The following FERMT2 variants were observed in gnomAD, a reference collection of about 807,000 sequenced individuals.
FERMT2 encodes the protein fermitin family homolog 2.
In FERMT2, 15 loss-of-function variants were observed where a neutral mutation model predicts 82.7. The ratio of observed to expected loss-of-function variants is 0.18; its 90% CI spans 0.12 to 0.28. The LOEUF (loss-of-function observed/expected upper bound fraction) is 0.28, where lower values mean the gene tolerates loss of function less well. Among genes scored for constraint, FERMT2 ranks in the 10% least tolerant of loss-of-function variants. The pLI is 1.00. For missense variants in FERMT2, 645 were observed against 809.4 expected (o/e 0.80, Z 2.46); for synonymous variants, 274 against 271.5 (o/e 1.01, Z -0.09).
chr14:52,858,667 T>G, intron 14 of FERMT2, 117 bp from the exon 15 acceptor site: 1 of 886,154 alleles, frequency 1.1e-6, no homozygotes, highest in Non-Finnish European at 1.7e-6. Context: ...GATCCTCAAA[T>G]GATCAGTCTG....
intron 3 of FERMT2, among the ~76,000 whole-genome samples, chr14:52,918,468 C>G (rs1888754470): frequency 6.6e-6 from 1 of 152,048 alleles, no homozygotes; most frequent in Non-Finnish European, 1.5e-5. Flanking sequence ...AACTGCAGTA[C>G]TTTATTTGGA....
At chr14:52,860,174 G>GAAATTAAAAGCTTA (rs1351797004) in intron 13 of FERMT2, 167 bp downstream of exon 13, 4 of 571,168 alleles carry the variant, frequency 7.0e-6, no homozygotes, top group Middle Eastern at 4.7e-4. Context: ...TTTTAATGTA[G>GAAATTAAAAGCTTA]AAATTAAAAG....
At chr14:52,875,977 T>C (rs1228297992) in intron 7 of FERMT2, among the ~76,000 whole-genome samples, 1 of 152,168 alleles carries the variant, frequency 6.6e-6, no homozygotes, top group Non-Finnish European at 1.5e-5. Flanking sequence ...TGACTACTCA[T>C]ATGTAGACAG....
chr14:52,914,690 C>G (rs1566747593), intron 3 of FERMT2, among the ~76,000 whole-genome samples: 1 of 152,160 alleles, frequency 6.6e-6, no homozygotes, highest in African/African-American at 2.4e-5. Context: ...GAGGCCGAGG[C>G]AGGCGGATCC....
intron 4 of FERMT2, among the ~76,000 whole-genome samples, chr14:52,892,293 C>T (rs1886985742): frequency 6.6e-6 from 1 of 150,760 alleles, no homozygotes; most frequent in Admixed American, 6.6e-5. Context: ...AGGTGCCTGT[C>T]ACCACGCCCA....
intron 7 of FERMT2, among the ~76,000 whole-genome samples, chr14:52,877,573 G>GTTTT (rs1594940282): frequency 8.3e-5 from 1 of 12,088 alleles, no homozygotes; most frequent in African/African-American, 3.8e-4. Context: ...AGCTGTTCTT[G>GTTTT]CTTTTTTTTT....
intron 2 of FERMT2, among the ~76,000 whole-genome samples, chr14:52,945,706 T>C (rs547169962): frequency 2.5e-4 from 38 of 152,308 alleles, no homozygotes; most frequent in African/African-American, 8.9e-4. Flanking sequence ...TAGAGGAAAC[T>C]TAGAGATCAC....
At chr14:52,862,052 C>T (rs1220252582) in intron 12 of FERMT2, 9 of 152,078 alleles carry the variant, frequency 5.9e-5, no homozygotes, top group Admixed American at 1.3e-4. Context: ...ACATCATGGT[C>T]GCTATTCTCT....
chr14:52,885,049 A>T (rs555520712), intron 4 of FERMT2, among the ~76,000 whole-genome samples: 16 of 152,040 alleles, frequency 1.1e-4, no homozygotes, highest in African/African-American at 3.4e-4. Context: ...GCGGTGGCTC[A>T]TGCCTGTAAT....
In FERMT2 at chr14:52,860,359, A is replaced by G; in HGVS notation, c.1709T>C (p.Ile570Thr). The G allele has an allele frequency of 6.2e-7, 1 of 1,614,048 alleles. No individual in the cohort carries two copies. Among genetic ancestry groups the G allele is most frequent in the Non-Finnish European group, 8.5e-7 (1 of 1,179,958 alleles). Residue 570 changes from isoleucine to threonine, a missense_variant, in exon 13 of 15, where the codon ATC (isoleucine) becomes ACC (threonine). Physicochemically the swap from Ile to Thr is moderately conservative, Grantham distance 89. Transcript: ENST00000341590. ...QAWQSLPEFG[I>T]THFIARFQGG... ...CACTGACCTTGCAATGAAGTGAGTG[A>G]TGCCAAATTCAGGTAGTGACTGCCA...
Position 52,858,348 on chromosome 14 carries a change from C to T in FERMT2, c.*29G>A, listed in dbSNP as rs773089300. The T allele has an allele frequency of 3.9e-5, 62 of 1,575,238 alleles. No homozygotes were observed. The South Asian group carries it at 5.1e-4, about 13-fold the overall frequency. The stretch of plus-strand genomic sequence containing the variant: ...TTTTAAAGTTAAATATTGTTATGGC[C>T]GTGGAGTTTCATTAAACAGTATTCC... On this transcript the variant is annotated 3_prime_UTR_variant, in exon 15 of 15. Coordinates refer to ENST00000341590, the MANE Select transcript of FERMT2 (RefSeq NM_006832.3).
At chr14:52,946,683 TTC>T (rs1233104166) in intron 2 of FERMT2, among the ~76,000 whole-genome samples, 1 of 151,826 alleles carries the variant, frequency 6.6e-6, no homozygotes, top group Non-Finnish European at 1.5e-5. Context: ...ATTTTCACAA[TTC>T]TTTTTTTTTT....
chr14:52,947,416 T>C (rs188326535), intron 2 of FERMT2, among the ~76,000 whole-genome samples: 87 of 152,174 alleles, frequency 5.7e-4, no homozygotes, highest in Middle Eastern at 3.4e-3. Context: ...GAGGCGGAGC[T>C]TGCAGTGAGC....
chr14:52,950,601 C>G (rs575342627), intron 1 of FERMT2, 24 bp from the exon 2 acceptor site: 1 of 1,609,080 alleles, frequency 6.2e-7, no homozygotes, highest in South Asian at 1.1e-5. Flanking sequence ...GGAAATGGCT[C>G]TCGTAAGCGT....
chr14:52,933,574 G>T (rs543592248), intron 2 of FERMT2, among the ~76,000 whole-genome samples: 6 of 151,788 alleles, frequency 4.0e-5, no homozygotes, highest in African/African-American at 1.2e-4. Context: ...GCCGGGCATG[G>T]TGGCACATGC....
At chr14:52,896,306 G>A (rs766443843) in intron 3 of FERMT2, among the ~76,000 whole-genome samples, 1 of 152,204 alleles carries the variant, frequency 6.6e-6, no homozygotes, top group African/African-American at 2.4e-5. Context: ...TTGTAAAGCT[G>A]TAGATTGCTA....
chr14:52,901,145 G>C (rs1887611530), intron 3 of FERMT2, among the ~76,000 whole-genome samples: 1 of 147,940 alleles, frequency 6.8e-6, no homozygotes, highest in Non-Finnish European at 1.5e-5. Flanking sequence ...GCTGGGCGTT[G>C]TGGCGGGCGC....
intron 10 of FERMT2, among the ~76,000 whole-genome samples, chr14:52,865,530 C>T (rs1235069558): frequency 6.6e-6 from 1 of 152,062 alleles, no homozygotes; most frequent in Non-Finnish European, 1.5e-5. Context: ...TTCTGTAAGT[C>T]GACATTTCCT....
At chr14:52,881,845 A>G in intron 4 of FERMT2, 1 of 1,240,682 alleles carries the variant, frequency 8.1e-7, no homozygotes, top group Middle Eastern at 2.2e-4. Context: ...GAAAGGAAAG[A>G]AAGGAATTCA....
Sources: allele counts gnomAD v4.1 joint callset (sites outside exome capture counted in the v4.1 genomes callset), GRCh38; gene constraint gnomAD v4.1.1; transcripts MANE v1.5; gene names NCBI Gene and HGNC (gene_info 2026-07-23, HGNC 2026-07-21).